Variants in PPP1R15B observed in about 807,000 individuals in gnomAD.
PPP1R15B encodes the protein protein phosphatase 1 regulatory subunit 15B.
In PPP1R15B, 31 loss-of-function variants were observed where a neutral mutation model predicts 53.9. That is an observed-to-expected ratio of 0.58 (90% CI 0.43 to 0.78). The LOEUF is 0.78. Among genes scored for constraint, PPP1R15B ranks in the 30% least tolerant of loss-of-function variants. The pLI, the probability that PPP1R15B is intolerant of heterozygous loss-of-function variation, is 0.00. For missense variants in PPP1R15B, 928 were observed against 849.6 expected, an observed-to-expected ratio of 1.09 and a Z score of -1.15; for synonymous variants, 345 against 329.1, an observed-to-expected ratio of 1.05 and a Z score of -0.52.
downstream of PPP1R15B, among the ~76,000 whole-genome samples, chr1:204,398,472 A>C (rs1674124584): frequency 6.6e-6 from 1 of 152,132 alleles, no homozygotes; most frequent in South Asian, 2.1e-4. Context: ...GGGCGACAGC[A>C]AGACTCAAAA....
rs527855344 is a variant in PPP1R15B at position 204,405,410 on chromosome 1, A to G, written c.*682T>C. The G allele has an allele frequency of 1.0e-6, 1 of 985,184 alleles. No individual in the cohort carries two copies. Among genetic ancestry groups the G allele is most frequent in the African/African-American group, 1.7e-5 (1 of 57,230 alleles). 61.0% of individuals were successfully genotyped at this position (985,184 alleles called of 1,614,324 possible). A position where few individuals can be genotyped will look rare whatever the true frequency, so the allele number is the denominator to read the frequency against. ...TGGTAGAAAGATGCAGCTTTCCCAAAGTAGTAAAGTACTGCACATATGGGT... is the reference window on the plus strand; with the variant it reads ...TGGTAGAAAGATGCAGCTTTCCCAAGGTAGTAAAGTACTGCACATATGGGT... On this transcript the variant is annotated 3_prime_UTR_variant, in exon 2 of 2. Transcript: ENST00000367188.
rs750585845 is a variant in PPP1R15B at position 204,411,482 on chromosome 1, G to A, written c.-71C>T. On this transcript the variant is annotated 5_prime_UTR_variant, in exon 1 of 2. Transcript: ENST00000367188. ...GGCTGGAGGTCGACGGGATTCGGAG[G>A]AAGCCTACAGAGTCTCGGCCTTGCC... 102 of 1,545,464 alleles carry A rather than the reference G, an allele frequency of 6.6e-5. No individual in the cohort carries two copies. The highest frequency in any genetic ancestry group is 8.2e-5 in the Non-Finnish European group (95 of 1,152,782).
At chr1:204,399,956 G>C (rs902233591), downstream of PPP1R15B, among the ~76,000 whole-genome samples, 80 of 152,014 alleles carry the variant, frequency 5.3e-4, no homozygotes, top group African/African-American at 1.9e-3. Flanking sequence ...ATTAAGAAAA[G>C]GAGGTATGGC....
chr1:204,401,052 G>A (rs1456805245), downstream of PPP1R15B, among the ~76,000 whole-genome samples: 1 of 152,164 alleles, frequency 6.6e-6, no homozygotes, highest in Admixed American at 6.5e-5. Flanking sequence ...ATAAGATTAA[G>A]GCGTCTGCCA....
chr1:204,400,170 G>A (rs1466972799), downstream of PPP1R15B, among the ~76,000 whole-genome samples: 5 of 150,276 alleles, frequency 3.3e-5, no homozygotes, highest in Non-Finnish European at 5.9e-5. Context: ...CTGGGAAGTC[G>A]AGGCTGCAGT....
rs1359785026 is a variant in PPP1R15B at position 204,403,426 on chromosome 1, AGTTAT to A, written c.*2661_*2665del. 1.4e-5 allele frequency: 10 copies of A among 737,374 alleles called. No homozygotes were observed. In the African/African-American group the frequency reaches 1.7e-4, roughly 13 times the overall value. The allele number at this position is 737,374 out of a possible 1,614,324, so 45.7% of individuals were successfully genotyped here. A position where few individuals can be genotyped will look rare whatever the true frequency, so the allele number is the denominator to read the frequency against. ...ATATATTTATTACAATTTACAGATTAGTTATGTTATATACACAAATATAATTTTAA... is the reference window on the plus strand; with the variant it reads ...ATATATTTATTACAATTTACAGATTAGTTATATACACAAATATAATTTTAA... On this transcript the variant is annotated 3_prime_UTR_variant, in exon 2 of 2. Transcript: ENST00000367188.
Position 204,403,900 on chromosome 1 carries a change from A to C in PPP1R15B, c.*2192T>G. 1 of 985,654 alleles carries C rather than the reference A, an allele frequency of 1.0e-6. No individual in the cohort carries two copies. The highest frequency in any genetic ancestry group is 1.2e-6 in the Non-Finnish European group (1 of 829,892). 61.1% of individuals were successfully genotyped at this position (985,654 alleles called of 1,614,324 possible). A position where few individuals can be genotyped will look rare whatever the true frequency, so the allele number is the denominator to read the frequency against. ...CTAGTATATGGAAGAACTCTTAATC[A>C]AGCTTTCACTCATTTGGTAGTGAGG... On this transcript the variant is annotated 3_prime_UTR_variant, in exon 2 of 2. Transcript: ENST00000367188.
chr1:204,399,913 C>G (rs1674148696), downstream of PPP1R15B, among the ~76,000 whole-genome samples: 1 of 152,026 alleles, frequency 6.6e-6, no homozygotes, highest in South Asian at 2.1e-4. Context: ...TTCAAAACCC[C>G]TGGGACTCCT....
In PPP1R15B at chr1:204,410,920, TC is replaced by T. The variant is rs1553291531; in HGVS notation, c.491del (p.Gly164GlufsTer13). 6.2e-7 allele frequency: 1 copy of T among 1,613,896 alleles called. No individual in the cohort carries two copies. Among genetic ancestry groups the T allele is most frequent in the Non-Finnish European group, 8.5e-7 (1 of 1,179,984 alleles). ...PDLKLELKAK[G>X]SALDPAAQAF... Reference sequence around the variant, plus strand: ...CCTGTGCTGCAGGGTCCAAAGCACTTCCCTTGGCCTTAAGCTCCAATTTTAG... The same window carrying T: ...CCTGTGCTGCAGGGTCCAAAGCACTTCCTTGGCCTTAAGCTCCAATTTTAG... On this transcript the variant is annotated frameshift_variant, in exon 1 of 2. Transcript: ENST00000367188. LOFTEE classifies it high-confidence loss of function.
At chr1:204,407,671 AGT>A (rs138453215) in intron 1 of PPP1R15B, among the ~76,000 whole-genome samples, 1 of 152,324 alleles carries the variant, frequency 6.6e-6, no homozygotes, top group East Asian at 1.9e-4. Context: ...AAAAACGTAC[AGT>A]GTTTACCATA....
In PPP1R15B at chr1:204,409,554, G is replaced by C. The variant is rs1367231866; in HGVS notation, c.1858C>G (p.Pro620Ala). The part of the protein sequence containing the change: ...QLLGSQESEC[P>A]DSVQRDVLSG... ...AGAACGTCACGCTGTACCGAGTCTG[G>C]ACATTCACTTTCTTGGCTCCCCAAC... Residue 620 changes from proline (P) to alanine (A), a missense_variant, in exon 1 of 2, where the codon CCA becomes GCA. Transcript: ENST00000367188. 10 of 1,614,136 alleles carry C rather than the reference G, an allele frequency of 6.2e-6. No individual in the cohort carries two copies. The highest frequency in any genetic ancestry group is 2.2e-5 in the East Asian group (1 of 44,886).
Position 204,404,025 on chromosome 1 carries a change from C to T in PPP1R15B, c.*2067G>A, listed in dbSNP as rs768358741. The T allele has an allele frequency of 9.7e-5, 96 of 985,194 alleles. No individual in the cohort carries two copies. The highest frequency in any genetic ancestry group is 1.2e-4 in the Non-Finnish European group (96 of 829,908). 61.0% of individuals were successfully genotyped at this position (985,194 alleles called of 1,614,324 possible). The stretch of plus-strand genomic sequence containing the variant: ...TAGGTTTAAGAAACAGGAAACACAA[C>T]GTTAAGTCTCGGAAATAAAATGTTT... On this transcript the variant is annotated 3_prime_UTR_variant, in exon 2 of 2. Coordinates refer to ENST00000367188, the MANE Select transcript of PPP1R15B (RefSeq NM_032833.5).
rs894614194 is a variant in PPP1R15B, at chr1:204,404,599, G to A, written c.*1493C>T. 1.3e-5 allele frequency: 13 copies of A among 984,838 alleles called. No homozygotes were observed. The highest frequency in any genetic ancestry group is 1.2e-4 in the African/African-American group (7 of 57,206). The allele number at this position is 984,838 out of a possible 1,614,324, so 61.0% of individuals were successfully genotyped here. A position where few individuals can be genotyped will look rare whatever the true frequency, so the allele number is the denominator to read the frequency against. ...TAATTATGAATATATAAACAGTGGA[G>A]GCAGTTCTTAGAACTGGATAGAAAT... On this transcript the variant is annotated 3_prime_UTR_variant, in exon 2 of 2. Transcript: ENST00000367188.
In PPP1R15B at chr1:204,403,941, G is replaced by C. The variant is rs1214738225; in HGVS notation, c.*2151C>G. 2 of 985,208 alleles carry C rather than the reference G, an allele frequency of 2.0e-6. No individual in the cohort carries two copies. The highest frequency in any genetic ancestry group is 4.7e-5 in the South Asian group (1 of 21,282). 61.0% of individuals were successfully genotyped at this position (985,208 alleles called of 1,614,324 possible). A position where few individuals can be genotyped will look rare whatever the true frequency, so the allele number is the denominator to read the frequency against. On this transcript the variant is annotated 3_prime_UTR_variant, in exon 2 of 2. Coordinates refer to ENST00000367188, the MANE Select transcript of PPP1R15B (RefSeq NM_032833.5). Reference sequence around the variant, plus strand: ...GGTAGTGAGGTTAGAATCCCATGGGGAACAATTTTCCAAAATCCAATGAAA... The same window carrying C: ...GGTAGTGAGGTTAGAATCCCATGGGCAACAATTTTCCAAAATCCAATGAAA...
Position 204,410,489 on chromosome 1 carries a change from C to A in PPP1R15B, c.923G>T (p.Ser308Ile), listed in dbSNP as rs3014626. The A allele has an allele frequency of 6.2e-7, 1 of 1,614,146 alleles. No homozygotes were observed. Among genetic ancestry groups the A allele is most frequent in the Non-Finnish European group, 8.5e-7 (1 of 1,180,036 alleles). Residue 308 changes from serine (S) to isoleucine (I), a missense_variant, in exon 1 of 2, where the codon AGC (serine) becomes ATC (isoleucine). Ser to Ile is a moderately radical substitution (Grantham distance 142). Coordinates refer to ENST00000367188, the MANE Select transcript of PPP1R15B (RefSeq NM_032833.5). Reference sequence around the variant, plus strand: ...AGGGGTGGGTAAATCTTGCCCCTTGCTAGCCTGTTGAAGGAATTCCAGCCG... The same window carrying A: ...AGGGGTGGGTAAATCTTGCCCCTTGATAGCCTGTTGAAGGAATTCCAGCCG... ...MKRLEFLQQASKGQDLPTPDQ... is the reference protein window; with the variant it reads ...MKRLEFLQQAIKGQDLPTPDQ...
At position 204,403,440 on chromosome 1, in the gene PPP1R15B, C is replaced by T. The variant is rs1287633437; in HGVS notation, c.*2652G>A. The T allele has an allele frequency of 1.0e-5, 8 of 762,762 alleles. No individual in the cohort carries two copies. The South Asian group carries it at 4.8e-4, about 46-fold the overall frequency. The allele number at this position is 762,762 out of a possible 1,614,324, so 47.2% of individuals were successfully genotyped here. A position where few individuals can be genotyped will look rare whatever the true frequency, so the allele number is the denominator to read the frequency against. On this transcript the variant is annotated 3_prime_UTR_variant, in exon 2 of 2. Coordinates refer to ENST00000367188, the MANE Select transcript of PPP1R15B (RefSeq NM_032833.5). ...ATTTACAGATTAGTTATGTTATATA[C>T]ACAAATATAATTTTAACTATAAAAT...
chr1:204,406,576 C>G (rs56124156), intron 1 of PPP1R15B, among the ~76,000 whole-genome samples: 9,928 of 152,128 alleles, frequency 0.065, 400 homozygotes, highest in Non-Finnish European at 0.087. Flanking sequence ...ACAGTGAAAC[C>G]CTGTCTCTAG....
downstream of PPP1R15B, among the ~76,000 whole-genome samples, chr1:204,401,261 G>A (rs1192537671): frequency 5.3e-5 from 8 of 152,226 alleles, no homozygotes; most frequent in Non-Finnish European, 1.5e-5. Context: ...GGTTAGAAGA[G>A]ATTTACGTAT....
chr1:204,400,006 G>A (rs1674149631), downstream of PPP1R15B, among the ~76,000 whole-genome samples: 1 of 152,116 alleles, frequency 6.6e-6, no homozygotes, highest in Admixed American at 6.5e-5. Flanking sequence ...AGCACTTTGG[G>A]AGGCCAAGGT....
Sources: gnomAD v4.1 joint callset for allele counts (sites outside exome capture counted in the v4.1 genomes callset) on GRCh38, gnomAD v4.1.1 for gene constraint, MANE v1.5 for transcripts, NCBI Gene and HGNC (gene_info 2026-07-23, HGNC 2026-07-21) for gene names.